Variants in SWT1 observed in about 807,000 individuals in gnomAD.
SWT1 encodes SWT1 RNA endoribonuclease homolog, also known as transcriptional protein SWT1.
A neutral mutation model predicts 107.3 loss-of-function variants in SWT1; 33 were observed. The observed-to-expected ratio is 0.31, with a 90% confidence interval of 0.23 to 0.41. The LOEUF (loss-of-function observed/expected upper bound fraction) is 0.41, where lower values mean the gene tolerates loss of function less well. Ranked by LOEUF, SWT1 falls within the 10% of genes least tolerant of loss-of-function variation. The pLI, the probability that SWT1 is intolerant of heterozygous loss-of-function variation, is 1.00. For missense variants in SWT1, 898 were observed against 1,028.9 expected (o/e 0.87, Z 1.74); for synonymous variants, 345 against 348.3 (o/e 0.99, Z 0.11).
At chr1:185,232,708 T>C (rs1208593067) in intron 16 of SWT1, among the ~76,000 whole-genome samples, 2 of 152,206 alleles carry the variant, frequency 1.3e-5, no homozygotes, top group Non-Finnish European at 2.9e-5. Flanking sequence ...GAGCTGTTAA[T>C]TATGTGCCAG....
intron 6 of SWT1, 76 bp downstream of exon 6, chr1:185,180,526 CT>C: frequency 9.9e-7 from 1 of 1,010,936 alleles, no homozygotes; most frequent in South Asian, 1.3e-5. Context: ...AAAATAATGA[CT>C]GTAGAAACCC....
intron 4 of SWT1, among the ~76,000 whole-genome samples, chr1:185,169,331 A>T: frequency 6.6e-6 from 1 of 150,522 alleles, no homozygotes; most frequent in African/African-American, 2.4e-5. Flanking sequence ...TTGACTTTAA[A>T]CTAGTTACCT....
At chr1:185,216,533 T>G (rs1659227514) in intron 14 of SWT1, among the ~76,000 whole-genome samples, 1 of 152,224 alleles carries the variant, frequency 6.6e-6, no homozygotes, top group South Asian at 2.1e-4. Context: ...TGTGTAGTTT[T>G]TAATCCTCTT....
intron 9 of SWT1, among the ~76,000 whole-genome samples, chr1:185,185,670 T>G (rs2102390671): frequency 6.6e-6 from 1 of 152,276 alleles, no homozygotes; most frequent in Admixed American, 6.5e-5. Flanking sequence ...CCGTAAGATT[T>G]GAAAGAATTC....
At chr1:185,227,774 G>T (rs1207762980) in intron 15 of SWT1, 2 of 384,984 alleles carry the variant, frequency 5.2e-6, no homozygotes, top group East Asian at 6.5e-5. Flanking sequence ...GGGGAGAAAG[G>T]CGAGACATTT....
rs76659118 is a variant in SWT1, at chr1:185,244,930, T to C, written c.2441+13222T>C. On this transcript the variant is annotated intron_variant, in intron 16 of 18. Coordinates refer to ENST00000367500, the MANE Select transcript of SWT1 (RefSeq NM_017673.7). ...ACACCGTCTCTGCAAAAAAATAAAA[T>C]TAGCTGGGCATGGTGTTGTGTGTCT... Among the ~76,000 whole-genome samples, 838 of 152,014 alleles carry C rather than the reference T, an allele frequency of 5.5e-3. 35 individuals carry two copies. In the East Asian group the frequency reaches 0.093, roughly 17 times the overall value.
chr1:185,206,322 C>T (rs754550948), intron 12 of SWT1, among the ~76,000 whole-genome samples: 3 of 152,112 alleles, frequency 2.0e-5, no homozygotes, highest in South Asian at 2.1e-4. Flanking sequence ...GCGATGACTG[C>T]GTTGACAAGT....
chr1:185,180,181 CTT>C (rs932642721), intron 5 of SWT1, among the ~76,000 whole-genome samples: 1 of 151,904 alleles, frequency 6.6e-6, no homozygotes, highest in African/African-American at 2.4e-5. Context: ...GAGACCCTGT[CTT>C]TAAAAAAAAA....
chr1:185,231,204 A>G (rs1456246479), intron 15 of SWT1, among the ~76,000 whole-genome samples: 1 of 152,222 alleles, frequency 6.6e-6, no homozygotes, highest in Non-Finnish European at 1.5e-5. Flanking sequence ...ATTAACTTCT[A>G]GTTTCAACAG....
chr1:185,266,342 G>A (rs916268655), intron 16 of SWT1, among the ~76,000 whole-genome samples: 2 of 152,238 alleles, frequency 1.3e-5, no homozygotes, highest in South Asian at 2.1e-4. Flanking sequence ...GGGATTACAG[G>A]CGTGAGCCAC....
chr1:185,244,708 G>A (rs182706314), intron 16 of SWT1, among the ~76,000 whole-genome samples: 54 of 152,156 alleles, frequency 3.5e-4, no homozygotes, highest in African/African-American at 1.2e-3. Flanking sequence ...ATTAACCTTA[G>A]GTTGTTATAA....
intron 16 of SWT1, 105 bp downstream of exon 16, chr1:185,231,813 G>A (rs1392584902): frequency 7.8e-6 from 6 of 770,988 alleles, no homozygotes; most frequent in East Asian, 2.7e-5. Context: ...AGAATAGACC[G>A]TGGCACTTTA....
chr1:185,256,357 A>G (rs1360612409), intron 16 of SWT1, among the ~76,000 whole-genome samples: 1 of 148,856 alleles, frequency 6.7e-6, no homozygotes, highest in African/African-American at 2.5e-5. Context: ...GTTCTCCTGG[A>G]TAATATCCTG....
chr1:185,168,475 T>C (rs953283573), intron 4 of SWT1, 77 bp downstream of exon 4: 2 of 924,650 alleles, frequency 2.2e-6, no homozygotes, highest in Non-Finnish European at 3.0e-6. Flanking sequence ...AAATTTTTTT[T>C]ATTTACTTTG....
chr1:185,202,195 C>G (rs1657941141), intron 10 of SWT1, among the ~76,000 whole-genome samples: 1 of 152,256 alleles, frequency 6.6e-6, no homozygotes, highest in South Asian at 2.1e-4. Flanking sequence ...TTTCAGCAAA[C>G]AGCAAGTTTG....
chr1:185,168,322 TTTTTTTATTTATTTCAG>T lies in SWT1; in HGVS notation c.166-17_166-1del, dbSNP rs746593643. Reference sequence around the variant, plus strand: ...GTACCAGTGCACAATTTATGTGTCCTTTTTTTATTTATTTCAGAAATCAGATCATACAGATGTTCTGT... The same window carrying T: ...GTACCAGTGCACAATTTATGTGTCCTAAATCAGATCATACAGATGTTCTGT... On this transcript the variant is annotated splice_acceptor_variant and splice_polypyrimidine_tract_variant and intron_variant, in intron 3 of 18. Coordinates refer to ENST00000367500, the MANE Select transcript of SWT1 (RefSeq NM_017673.7). LOFTEE classifies it high-confidence loss of function. The T allele has an allele frequency of 7.6e-7, 1 of 1,308,632 alleles. No homozygotes were observed. The highest frequency in any genetic ancestry group is 1.5e-5 in the South Asian group (1 of 67,856). The allele number at this position is 1,308,632 out of a possible 1,614,324, so 81.1% of individuals were successfully genotyped here. A position where few individuals can be genotyped will look rare whatever the true frequency, so the allele number is the denominator to read the frequency against.
chr1:185,244,066 C>G (rs1360052112), intron 16 of SWT1, among the ~76,000 whole-genome samples: 1 of 151,970 alleles, frequency 6.6e-6, no homozygotes, highest in Non-Finnish European at 1.5e-5. Flanking sequence ...GAAATACACT[C>G]ATACATCTCT....
At chr1:185,213,835 A>G (rs1659012516) in intron 13 of SWT1, among the ~76,000 whole-genome samples, 1 of 152,136 alleles carries the variant, frequency 6.6e-6, no homozygotes, top group South Asian at 2.1e-4. Context: ...AGTTAATGTA[A>G]TTAGTTTTAG....
At chr1:185,196,879 G>T (rs2102429637) in intron 10 of SWT1, among the ~76,000 whole-genome samples, 1 of 151,452 alleles carries the variant, frequency 6.6e-6, no homozygotes, top group Middle Eastern at 3.4e-3. Flanking sequence ...TAGAAAATAT[G>T]CAATCATGTC....
Sources: gnomAD v4.1 joint callset for allele counts (sites outside exome capture counted in the v4.1 genomes callset) on GRCh38, gnomAD v4.1.1 for gene constraint, MANE v1.5 for transcripts, NCBI Gene and HGNC (gene_info 2026-07-23, HGNC 2026-07-21) for gene names.